Variants in CCDC18 observed in about 807,000 individuals in gnomAD.
CCDC18 encodes coiled-coil domain-containing protein 18.
Under a neutral mutation model 196.0 loss-of-function variants are expected in CCDC18, and 157 were observed. The observed-to-expected ratio is 0.80, with a 90% CI of 0.70 to 0.91. The LOEUF (loss-of-function observed/expected upper bound fraction) is 0.91, where lower values mean the gene tolerates loss of function less well. CCDC18 is among the 40% of genes least tolerant of loss of function. The pLI is 0.00. For missense variants in CCDC18, 1,465 were observed against 1,611.6 expected, an observed-to-expected ratio of 0.91 and a Z score of 1.56; for synonymous variants, 482 against 529.2, an observed-to-expected ratio of 0.91 and a Z score of 1.22.
At chr1:93,207,863 A>G (rs918827435) in intron 9 of CCDC18, among the ~76,000 whole-genome samples, 6 of 152,214 alleles carry the variant, frequency 3.9e-5, no homozygotes, top group Non-Finnish European at 8.8e-5. Flanking sequence ...TTTTCTGGAC[A>G]TTTCACATAA....
At chr1:93,253,719 A>T (rs1350882856) in intron 23 of CCDC18, among the ~76,000 whole-genome samples, 1 of 152,200 alleles carries the variant, frequency 6.6e-6, no homozygotes, top group African/African-American at 2.4e-5. Flanking sequence ...ATGATTCCTT[A>T]TGGACCCCTT....
rs1322410790 is a variant in CCDC18, at chr1:93,272,171, T to TA, written c.4353+1358dup. Among the ~76,000 whole-genome samples, 3 of 152,346 alleles carry TA rather than the reference T, an allele frequency of 2.0e-5. No individual in the cohort carries two copies. In the East Asian group the frequency reaches 5.8e-4, roughly 29 times the overall value. On this transcript the variant is annotated intron_variant, in intron 28 of 28. Coordinates refer to ENST00000690025, the MANE Select transcript of CCDC18 (RefSeq NM_001378204.1). ...TGAGTGAGTTTTTCTTCATAATACT[T>TA]ATTTTTGCTGGCTTAAGTATATGTC...
In CCDC18 at chr1:93,256,375, A is replaced by G; in HGVS notation, c.3383A>G (p.Lys1128Arg). ...EQEQYIATQY[K>R]EAIDLGQELR... Reference sequence around the variant, plus strand: ...GAACAGTACATTGCCACTCAGTACAAGGAGGCCATAGATTTGGGGCAAGAA... The same window carrying G: ...GAACAGTACATTGCCACTCAGTACAGGGAGGCCATAGATTTGGGGCAAGAA... Residue 1128 changes from lysine to arginine, a missense_variant, in exon 25 of 29, where the codon AAG (lysine) becomes AGG (arginine). Transcript: ENST00000690025. The G allele has an allele frequency of 1.2e-6, 2 of 1,614,118 alleles. No individual in the cohort carries two copies. Among genetic ancestry groups the G allele is most frequent in the Non-Finnish European group, 1.7e-6 (2 of 1,179,984 alleles).
rs535125856 is a variant in CCDC18, at chr1:93,225,336, T to TA, written c.2176-994dup. On this transcript the variant is annotated intron_variant, in intron 16 of 28. Coordinates refer to ENST00000690025, the MANE Select transcript of CCDC18 (RefSeq NM_001378204.1). ...GAGTTGCTCTTTGGTATTAAGGTAG[T>TA]AAAGCAGTGGCAACTATATGAACAC... Among the ~76,000 whole-genome samples, 12 of 152,366 alleles carry TA rather than the reference T, an allele frequency of 7.9e-5. No individual in the cohort carries two copies. The East Asian group carries it at 1.7e-3, about 22-fold the overall frequency.
chr1:93,234,452 G>A (rs567141511), intron 18 of CCDC18, among the ~76,000 whole-genome samples: 6 of 151,964 alleles, frequency 3.9e-5, no homozygotes, highest in South Asian at 4.2e-4. Flanking sequence ...GAGCCACTGC[G>A]CCTGGCCTCA....
chr1:93,257,967 C>A (rs1221122433), intron 25 of CCDC18, among the ~76,000 whole-genome samples: 1 of 151,778 alleles, frequency 6.6e-6, no homozygotes, highest in African/African-American at 2.4e-5. Context: ...TAACTAGACT[C>A]CTACCTGGTC....
intron 21 of CCDC18, among the ~76,000 whole-genome samples, chr1:93,244,371 T>C (rs1428216149): frequency 2.0e-5 from 3 of 152,182 alleles, no homozygotes; most frequent in African/African-American, 7.2e-5. Context: ...AGTGTATCCA[T>C]ACAAAGAATA....
At chr1:93,200,423 T>C (rs1302471830) in intron 6 of CCDC18, among the ~76,000 whole-genome samples, 1 of 150,744 alleles carries the variant, frequency 6.6e-6, no homozygotes, top group Non-Finnish European at 1.5e-5. Context: ...CGAGTATTAC[T>C]TGAGGCCAGG....
intron 26 of CCDC18, among the ~76,000 whole-genome samples, chr1:93,260,050 A>C (rs537836138): frequency 6.6e-6 from 1 of 152,324 alleles, no homozygotes; most frequent in African/African-American, 2.4e-5. Context: ...TCCAGAGCTC[A>C]GATAACCCTC....
intron 7 of CCDC18, among the ~76,000 whole-genome samples, chr1:93,204,281 TG>T (rs1345918826): frequency 1.3e-5 from 2 of 151,848 alleles, no homozygotes; most frequent in East Asian, 3.9e-4. Flanking sequence ...GGGAAAAAAG[TG>T]GATAAAAACA....
chr1:93,278,481 A>AAAG lies in CCDC18; in HGVS notation c.*9_*11dup. On this transcript the variant is annotated 3_prime_UTR_variant, in exon 29 of 29. Coordinates refer to ENST00000690025, the MANE Select transcript of CCDC18 (RefSeq NM_001378204.1). ...ATTCTAGGGAGAAAATGTGTAATTCAAAGAAGATACTGATGTGTTGAAAAA... is the reference window on the plus strand; with the variant it reads ...ATTCTAGGGAGAAAATGTGTAATTCAAAGAAGAAGATACTGATGTGTTGAAAAA... The AAAG allele has an allele frequency of 7.7e-6, 10 of 1,293,438 alleles. No individual in the cohort carries two copies. Among genetic ancestry groups the AAAG allele is most frequent in the Non-Finnish European group, 1.0e-5 (10 of 952,440 alleles). 80.1% of individuals were successfully genotyped at this position (1,293,438 alleles called of 1,614,324 possible). A position where few individuals can be genotyped will look rare whatever the true frequency, so the allele number is the denominator to read the frequency against.
chr1:93,212,163 A>G lies in CCDC18; in HGVS notation c.1397A>G (p.Gln466Arg). 6.2e-7 allele frequency: 1 copy of G among 1,611,402 alleles called. No homozygotes were observed. The highest frequency in any genetic ancestry group is 8.5e-7 in the Non-Finnish European group (1 of 1,179,050). ...QKLHANLTAN[Q>R]LSQSLITCND... The stretch of plus-strand genomic sequence containing the variant: ...CTTCATGCAAACCTGACTGCAAATC[A>G]GTTATCTCAGAGTCTTATTACTTGT... The change falls in exon 11 of 29, where the codon CAG becomes CGG. Residue 466 changes from glutamine to arginine, a missense_variant. Coordinates refer to ENST00000690025, the MANE Select transcript of CCDC18 (RefSeq NM_001378204.1).
At chr1:93,201,566 T>A (rs1185354234) in intron 6 of CCDC18, among the ~76,000 whole-genome samples, 1 of 152,082 alleles carries the variant, frequency 6.6e-6, no homozygotes, top group East Asian at 1.9e-4. Flanking sequence ...CCTTTGAAAA[T>A]GTATCATCCA....
Position 93,271,172 on chromosome 1 carries a change from C to T in CCDC18, c.4353+358C>T, listed in dbSNP as rs117848659. On this transcript the variant is annotated intron_variant, in intron 28 of 28. Coordinates refer to ENST00000690025, the MANE Select transcript of CCDC18 (RefSeq NM_001378204.1). The stretch of plus-strand genomic sequence containing the variant: ...GAAAGTAGGTTCTGAGGTGAATGTT[C>T]TCATAACTTCGTCATAATTTACTGT... 6.3e-5 allele frequency: 62 copies of T among 985,306 alleles called. No individual in the cohort carries two copies. The East Asian group carries it at 5.1e-3, about 81-fold the overall frequency. The allele number at this position is 985,306 out of a possible 1,614,324, so 61.0% of individuals were successfully genotyped here.
At chr1:93,231,813 T>A (rs1659282036) in intron 17 of CCDC18, among the ~76,000 whole-genome samples, 1 of 152,208 alleles carries the variant, frequency 6.6e-6, no homozygotes. Flanking sequence ...GGGATATTAT[T>A]ATATAAACAA....
chr1:93,186,200 C>A, intron 3 of CCDC18, 145 bp from the exon 4 acceptor site: 1 of 695,190 alleles, frequency 1.4e-6, no homozygotes, highest in Non-Finnish European at 2.4e-6. Flanking sequence ...TTCCACATAT[C>A]CTTGTCAATA....
intron 27 of CCDC18, among the ~76,000 whole-genome samples, chr1:93,267,713 T>G (rs1277409751): frequency 1.3e-5 from 2 of 152,058 alleles, no homozygotes; most frequent in South Asian, 4.1e-4. Context: ...ATAAAATACC[T>G]AGGAATCCAA....
At chr1:93,247,420 T>G (rs1385502699) in intron 23 of CCDC18, among the ~76,000 whole-genome samples, 1 of 152,058 alleles carries the variant, frequency 6.6e-6, no homozygotes, top group African/African-American at 2.4e-5. Flanking sequence ...GTTTTTGTTT[T>G]TGTTTGTGTT....
chr1:93,210,340 C>CT lies in CCDC18; in HGVS notation c.1210-461dup, dbSNP rs201321854. 1.1e-3 allele frequency among the ~76,000 whole-genome samples: 165 copies of CT among 152,212 alleles called. 6 individuals carry two copies. The East Asian group carries it at 0.03, about 27-fold the overall frequency. ...TGGGACACATATTGTCTTATCAACT[C>CT]TATGTTTTTTTAGAATAAAATTTTA... is the stretch of plus-strand genomic sequence containing the variant. On this transcript the variant is annotated intron_variant, in intron 9 of 28. Coordinates refer to ENST00000690025, the MANE Select transcript of CCDC18 (RefSeq NM_001378204.1).
Sources: gnomAD v4.1 joint callset for allele counts (sites outside exome capture counted in the v4.1 genomes callset) on GRCh38, gnomAD v4.1.1 for gene constraint, MANE v1.5 for transcripts, NCBI Gene and HGNC (gene_info 2026-07-23, HGNC 2026-07-21) for gene names.